NAV2: variants seen among roughly 807,000 people sequenced by gnomAD.
NAV2 encodes the protein helicase, APC down-regulated 1.
In NAV2, 54 loss-of-function variants were observed where a neutral mutation model predicts 223.2. That is an observed-to-expected ratio of 0.24 (90% CI 0.19 to 0.30). The LOEUF is 0.30. NAV2 is among the 10% of genes least tolerant of loss of function. The pLI is 1.00. For synonymous variants in NAV2, 1,279 were observed against 1,239.3 expected (o/e 1.03, Z -0.67); for missense variants, 2,806 against 3,147.5 (o/e 0.89, Z 2.60).
At chr11:19,465,172 T>C (rs12792754) in intron 1 of NAV2, among the ~76,000 whole-genome samples, 14,031 of 152,208 alleles carry the variant, frequency 0.092, 696 homozygotes, top group Admixed American at 0.13. Flanking sequence ...ACTTTCCACT[T>C]TCCTTAGGTA....
chr11:20,111,340 CTG>C (rs2062623072), intron 36 of NAV2, among the ~76,000 whole-genome samples: 1 of 152,230 alleles, frequency 6.6e-6, no homozygotes, highest in South Asian at 2.1e-4. Flanking sequence ...GTCCTCCCCT[CTG>C]TGTCTGTCTG....
At chr11:19,972,184 A>G (rs1455454558) in intron 10 of NAV2, among the ~76,000 whole-genome samples, 3 of 152,188 alleles carry the variant, frequency 2.0e-5, no homozygotes, top group African/African-American at 7.2e-5. Flanking sequence ...GCATTATCAA[A>G]AACATTGGGC....
intron 1 of NAV2, among the ~76,000 whole-genome samples, chr11:19,820,984 C>T (rs988614569): frequency 4.6e-5 from 7 of 152,138 alleles, no homozygotes; most frequent in Admixed American, 1.3e-4. Flanking sequence ...GATCGAGGGC[C>T]GGGCGCAGTG....
At chr11:19,383,297 C>T (rs879511480) in intron 1 of NAV2, among the ~76,000 whole-genome samples, 3 of 152,202 alleles carry the variant, frequency 2.0e-5, no homozygotes, top group Non-Finnish European at 4.4e-5. Context: ...TCCCAAATAA[C>T]CTCATGATAC....
intron 1 of NAV2, among the ~76,000 whole-genome samples, chr11:19,639,911 G>T (rs1197745940): frequency 6.6e-6 from 1 of 152,204 alleles, no homozygotes; most frequent in African/African-American, 2.4e-5. Flanking sequence ...TCTAAGGCCT[G>T]GTTGGCAGCC....
At chr11:19,472,845 G>A (rs1196603031) in intron 1 of NAV2, among the ~76,000 whole-genome samples, 1 of 152,194 alleles carries the variant, frequency 6.6e-6, no homozygotes, top group Non-Finnish European at 1.5e-5. Context: ...GCCAAGCCTG[G>A]TGCTGTCTAC....
intron 25 of NAV2, among the ~76,000 whole-genome samples, chr11:20,081,820 A>G (rs530736710): frequency 2.0e-4 from 30 of 152,348 alleles, no homozygotes; most frequent in Admixed American, 3.9e-4. Context: ...AGACTTTAGA[A>G]AAAGGAAATT....
intron 2 of NAV2, among the ~76,000 whole-genome samples, chr11:19,838,661 T>C (rs2060360040): frequency 6.6e-6 from 1 of 152,230 alleles, no homozygotes; most frequent in African/African-American, 2.4e-5. Flanking sequence ...TCTCACTCTG[T>C]CACCCAGGCT....
chr11:19,810,995 T>C (rs892648146), intron 1 of NAV2, among the ~76,000 whole-genome samples: 3 of 152,222 alleles, frequency 2.0e-5, no homozygotes, highest in African/African-American at 7.2e-5. Context: ...CATCATTCTG[T>C]CCTCAGAAAG....
At chr11:20,036,144 C>T in intron 12 of NAV2, 47 bp downstream of exon 12, 2 of 1,612,294 alleles carry the variant, frequency 1.2e-6, no homozygotes, top group Non-Finnish European at 1.7e-6. Context: ...CCTCTGGCAG[C>T]AGGGAACCTT....
In NAV2 at chr11:19,447,429, T is replaced by G. The variant is rs138591648; in HGVS notation, c.75+96402T>G. Among the ~76,000 whole-genome samples the G allele has an allele frequency of 1.9e-3, 293 of 152,272 alleles. 1 individual carries two copies. Among genetic ancestry groups the G allele is most frequent in the African/African-American group, 6.8e-3 (284 of 41,554 alleles). Reference sequence around the variant, plus strand: ...CTGGGGTTTGGTAGAGTTGGTTTGATTCCAGCTCCACCACTTCCTGGCTGA... The same window carrying G: ...CTGGGGTTTGGTAGAGTTGGTTTGAGTCCAGCTCCACCACTTCCTGGCTGA... On this transcript the variant is annotated intron_variant, in intron 1 of 37. Coordinates refer to the NAV2 transcript ENST00000360655.
chr11:20,118,219 C>T lies in NAV2; in HGVS notation c.7251C>T (p.His2417=), dbSNP rs139944633. 3.3e-5 allele frequency: 54 copies of T among 1,614,018 alleles called. No individual in the cohort carries two copies. The highest frequency in any genetic ancestry group is 9.3e-5 in the African/African-American group (7 of 74,938). Residue 2417 remains histidine (H), a synonymous_variant, in exon 38 of 38, where the codon CAC becomes CAT. Transcript: ENST00000349880. ...GCGACTCCAACAGCAACAGCCATCA[C>T]GATGACATCTTGGACTCCTCTTTGG... is the stretch of plus-strand genomic sequence containing the variant. ...YDSDSNSNSH[H]DDILDSSLES...
At chr11:20,015,897 G>T (rs1461721871) in intron 11 of NAV2, among the ~76,000 whole-genome samples, 1 of 152,192 alleles carries the variant, frequency 6.6e-6, no homozygotes, top group Non-Finnish European at 1.5e-5. Context: ...AGTGTCATCT[G>T]TTGGCATAGT....
chr11:19,351,973 G>A (rs1853350808), intron 1 of NAV2, among the ~76,000 whole-genome samples: 2 of 132,802 alleles, frequency 1.5e-5, no homozygotes, highest in South Asian at 5.0e-4. Flanking sequence ...GGCTCTCTCT[G>A]TGAGTGTGTG....
intron 11 of NAV2, among the ~76,000 whole-genome samples, chr11:20,000,070 T>G (rs1326267843): frequency 6.6e-6 from 1 of 152,132 alleles, no homozygotes; most frequent in Non-Finnish European, 1.5e-5. Context: ...CAGCTCTTAT[T>G]CCCTGACCTC....
intron 1 of NAV2, among the ~76,000 whole-genome samples, chr11:19,498,535 CT>C (rs34373765): frequency 6.6e-6 from 1 of 152,204 alleles, no homozygotes; most frequent in Non-Finnish European, 1.5e-5. Context: ...TGTTTTCTTC[CT>C]TTTCCCATCC....
intron 1 of NAV2, among the ~76,000 whole-genome samples, chr11:19,620,854 T>G (rs1395652339): frequency 6.6e-6 from 1 of 152,216 alleles, no homozygotes; most frequent in African/African-American, 2.4e-5. Flanking sequence ...TCAAAGGGAA[T>G]GCTTCCAGTT....
chr11:19,549,476 T>C (rs2044619107), intron 1 of NAV2, among the ~76,000 whole-genome samples: 1 of 152,170 alleles, frequency 6.6e-6, no homozygotes, highest in Admixed American at 6.5e-5. Flanking sequence ...GTTCACCCGA[T>C]GCAGAGAGAC....
chr11:19,374,227 A>T (rs1219251028), intron 1 of NAV2, among the ~76,000 whole-genome samples: 1 of 151,090 alleles, frequency 6.6e-6, no homozygotes, highest in Non-Finnish European at 1.5e-5. Context: ...TGGCACCCAT[A>T]CTTCTTTGTC....
Sources: gnomAD v4.1 joint callset for allele counts (sites outside exome capture counted in the v4.1 genomes callset) on GRCh38, gnomAD v4.1.1 for gene constraint, MANE v1.5 for transcripts, NCBI Gene and HGNC (gene_info 2026-07-23, HGNC 2026-07-21) for gene names.